The following UNKL variants were observed in gnomAD, a reference collection of about 807,000 sequenced individuals.
UNKL encodes unk like zinc finger.
UNKL carries 60 observed loss-of-function variants against 78.0 expected under a neutral mutation model. The ratio of observed to expected loss-of-function variants is 0.77; its 90% CI spans 0.63 to 0.95. UNKL has a LOEUF of 0.95. Among genes scored for constraint, UNKL ranks in the 40% least tolerant of loss-of-function variants. The probability of loss-of-function intolerance (pLI) is 0.00; values close to 1 mark genes in which losing one functional copy is unlikely to be tolerated. For missense variants in UNKL, 1,159 were observed against 1,045.7 expected (o/e 1.11, Z -1.49); for synonymous variants, 608 against 474.8 (o/e 1.28, Z -3.65).
chr16:1,398,824 C>G, intron 5 of UNKL: 1 of 1,557,298 alleles, frequency 6.4e-7, no homozygotes, highest in Non-Finnish European at 8.7e-7. Context: ...CAAGCCAGAC[C>G]CAGGGGACAG....
Position 1,367,667 on chromosome 16 carries a change from G to A in UNKL, c.1777C>T (p.Gln593Ter). 6.4e-7 allele frequency: 1 copy of A among 1,562,310 alleles called. No homozygotes were observed. ...CCCCACACACTCACCTGCTTCACCT[G>A]CTGCCAGGACTCCTCCCACTGCCGG... is the stretch of plus-strand genomic sequence containing the variant. Reference protein sequence around the residue: ...KIRQWEESWQQVKQVCDAWQR... With the variant: ...KIRQWEESWQ Residue 593 changes from glutamine to a stop codon, truncating the protein, a stop_gained, in exon 13 of 15, where the codon CAG becomes TAG. Coordinates refer to ENST00000389221, the MANE Select transcript of UNKL (RefSeq NM_001372107.1). LOFTEE classifies it high-confidence loss of function.
At chr16:1,402,262 T>C (rs1003488318) in intron 3 of UNKL, among the ~76,000 whole-genome samples, 1 of 17,296 alleles carries the variant, frequency 5.8e-5, no homozygotes, top group Admixed American at 8.4e-4. Flanking sequence ...CTGAGTTCGT[T>C]CTCCTGGAAA....
In UNKL at chr16:1,366,324, G is replaced by A. The variant is rs760547085; in HGVS notation, c.2118C>T (p.Pro706=). ...GCTCACAGAGGATGTGGTGCTGACA[G>A]GGCCGCAGGACAGCACCGTGGGCCC... ...RERAHGAVLR[P]CQHHILCEPC... Residue 706 remains proline (P), a synonymous_variant, in exon 15 of 15, where the codon CCC becomes CCT. Transcript: ENST00000389221. 1 of 1,603,742 alleles carries A rather than the reference G, an allele frequency of 6.2e-7. No homozygotes were observed. Among genetic ancestry groups the A allele is most frequent in the Non-Finnish European group, 8.5e-7 (1 of 1,176,468 alleles).
intron 12 of UNKL, chr16:1,369,873 G>A (rs2035645460): frequency 7.0e-7 from 1 of 1,420,986 alleles, no homozygotes; most frequent in South Asian, 1.2e-5. Flanking sequence ...TACTTGGGTG[G>A]CTGAGGCAGG....
At position 1,401,622 on chromosome 16, in the gene UNKL, A is replaced by C; in HGVS notation, c.544T>G (p.Leu182Val). Residue 182 changes from leucine to valine, a missense_variant, in exon 4 of 15, where the codon TTG (leucine) becomes GTG (valine). Transcript: ENST00000389221. ...TTCTCAATCATGGCCTGGCTGGCCA[A>C]GACCCCAGGCTGCAGATCCGGGACC... is the stretch of plus-strand genomic sequence containing the variant. ...EGVPDLQPGV[L>V]ASQAMIEKIL... The C allele has an allele frequency of 1.2e-6, 2 of 1,609,746 alleles. No individual in the cohort carries two copies. Among genetic ancestry groups the C allele is most frequent in the Non-Finnish European group, 1.7e-6 (2 of 1,178,426 alleles).
chr16:1,395,592 G>C (rs916654573), intron 6 of UNKL: 5 of 434,396 alleles, frequency 1.2e-5, no homozygotes, highest in African/African-American at 1.0e-4. Context: ...CTCCATCTCA[G>C]GCTGCCCCTT....
At chr16:1,371,717 G>C (rs1311772312) in intron 10 of UNKL, 106 bp from the exon 11 acceptor site, 1 of 1,198,474 alleles carries the variant, frequency 8.3e-7, no homozygotes, top group Non-Finnish European at 1.2e-6. Context: ...GTGAGACCAA[G>C]GGCAGAAGGC....
rs540794095 is a variant in UNKL, at chr16:1,363,374, A to G, written c.*2866T>C. The G allele has an allele frequency of 6.9e-6, 3 of 433,918 alleles. No individual in the cohort carries two copies. The highest frequency in any genetic ancestry group is 9.7e-5 in the East Asian group (2 of 20,680). The allele number at this position is 433,918 out of a possible 1,614,324, so 26.9% of individuals were successfully genotyped here. On this transcript the variant is annotated 3_prime_UTR_variant, in exon 15 of 15. Transcript: ENST00000389221. ...CTACCTTCTGGGTTAAGAAAATTCC[A>G]TTCAAATAACATTCTCATGTAAATA...
rs1399219539 is a variant in UNKL, at chr16:1,367,425, C to T, written c.1789-76G>A. ...CAGACCCTCTTGCCTGTGTCACCAG[C>T]GATCCTCCCCTCCCCTCCCCAGCAT... On this transcript the variant is annotated intron_variant, in intron 13 of 14. Transcript: ENST00000389221. The T allele has an allele frequency of 1.8e-5, 26 of 1,475,328 alleles. No individual in the cohort carries two copies. In the Middle Eastern group the frequency reaches 7.2e-4, roughly 41 times the overall value. The allele number at this position is 1,475,328 out of a possible 1,614,324, so 91.4% of individuals were successfully genotyped here.
At chr16:1,408,438 G>C (rs1445052000) in intron 2 of UNKL, 3 of 153,916 alleles carry the variant, frequency 1.9e-5, no homozygotes, top group African/African-American at 7.2e-5. Context: ...CACGGCGTGG[G>C]GTGCAACAAG....
rs1329962025 is a variant in UNKL at position 1,370,151 on chromosome 16, C to T, written c.1564G>A (p.Ala522Thr). 1 of 1,518,024 alleles carries T rather than the reference C, an allele frequency of 6.6e-7. No individual in the cohort carries two copies. The highest frequency in any genetic ancestry group is 1.2e-5 in the South Asian group (1 of 80,382). The allele number at this position is 1,518,024 out of a possible 1,614,324, so 94.0% of individuals were successfully genotyped here. A position where few individuals can be genotyped will look rare whatever the true frequency, so the allele number is the denominator to read the frequency against. ...TCACCTAGGGGGCTGTAGGATGAGG[C>T]TGCAGAGCCCAGTGTGCCCGGCTCT... Reference protein sequence around the residue: ...RSEPGTLGSAASSYSPLGLNG... With the variant: ...RSEPGTLGSATSSYSPLGLNG... Residue 522 changes from alanine (A) to threonine (T), a missense_variant, in exon 12 of 15, where the codon GCC becomes ACC. By Grantham distance (58) the Ala-to-Thr change is moderately conservative. Coordinates refer to ENST00000389221, the MANE Select transcript of UNKL (RefSeq NM_001372107.1).
At chr16:1,405,848 T>A in intron 2 of UNKL, 1 of 427,904 alleles carries the variant, frequency 2.3e-6, no homozygotes, top group Non-Finnish European at 4.8e-6. Context: ...GACCAGAGGA[T>A]AGGAGGCAGC....
chr16:1,412,296 C>T (rs953066806), intron 2 of UNKL: 2 of 152,222 alleles, frequency 1.3e-5, no homozygotes, highest in East Asian at 1.9e-4. Flanking sequence ...AAAACAAAAC[C>T]TTGATTTCTT....
Position 1,399,077 on chromosome 16 carries a change from A to G in UNKL, c.734+297T>C. 1 of 1,348,098 alleles carries G rather than the reference A, an allele frequency of 7.4e-7. No homozygotes were observed. Among genetic ancestry groups the G allele is most frequent in the Non-Finnish European group, 9.8e-7 (1 of 1,020,350 alleles). The allele number at this position is 1,348,098 out of a possible 1,614,324, so 83.5% of individuals were successfully genotyped here. On this transcript the variant is annotated intron_variant, in intron 5 of 14. Coordinates refer to ENST00000389221, the MANE Select transcript of UNKL (RefSeq NM_001372107.1). The surrounding 1 kb of genome is among the most constrained non-coding windows in gnomAD (Gnocchi z 5.8). ...CACGGGTGGGGCACACGGGGGTCCC[A>G]GCTGGGCTTGGGGTCCCTCCTGCAG...
At chr16:1,409,253 G>A (rs201323251) in intron 2 of UNKL, among the ~76,000 whole-genome samples, 2 of 152,320 alleles carry the variant, frequency 1.3e-5, no homozygotes, top group East Asian at 3.9e-4. Flanking sequence ...AGAAAAGGAA[G>A]GCCCTGTCCT....
At chr16:1,379,351 C>T (rs2142053197) in intron 10 of UNKL, among the ~76,000 whole-genome samples, 1 of 152,158 alleles carries the variant, frequency 6.6e-6, no homozygotes, top group Admixed American at 6.5e-5. Context: ...CCTGCCCTCC[C>T]TCGGGGCACC....
chr16:1,372,134 G>A (rs1161576098), intron 10 of UNKL, among the ~76,000 whole-genome samples: 1 of 151,968 alleles, frequency 6.6e-6, no homozygotes, highest in African/African-American at 2.4e-5. Flanking sequence ...CGTGGTGGCG[G>A]GTGCCTGTAG....
intron 9 of UNKL, among the ~76,000 whole-genome samples, chr16:1,386,301 G>A (rs1414330482): frequency 3.3e-5 from 5 of 151,734 alleles, no homozygotes; most frequent in Admixed American, 6.6e-5. Flanking sequence ...ACCTGTAATC[G>A]CAGCACTTTG....
intron 14 of UNKL, among the ~76,000 whole-genome samples, chr16:1,366,771 G>A (rs1013102612): frequency 1.2e-4 from 18 of 152,200 alleles, no homozygotes; most frequent in South Asian, 8.3e-4. Context: ...GGGGCACGCC[G>A]AAGTGGAGGG....
Sources: gnomAD v4.1 joint callset for allele counts (sites outside exome capture counted in the v4.1 genomes callset) on GRCh38, gnomAD v4.1.1 for gene constraint, Gnocchi (gnomAD v3.1) non-coding constraint, MANE v1.5 for transcripts, NCBI Gene and HGNC (gene_info 2026-07-23, HGNC 2026-07-21) for gene names.